The following CRIM1 variants were observed in gnomAD, a reference collection of about 807,000 sequenced individuals.
CRIM1 encodes the protein cysteine-rich motor neuron 1 protein.
A neutral mutation model predicts 116.4 loss-of-function variants in CRIM1; 32 were observed. That is an observed-to-expected ratio of 0.27 (90% CI 0.21 to 0.37). The LOEUF (loss-of-function observed/expected upper bound fraction) is 0.37, where lower values mean the gene tolerates loss of function less well. CRIM1 is among the 10% of genes least tolerant of loss of function. The probability of loss-of-function intolerance (pLI) is 1.00; values close to 1 mark genes in which losing one functional copy is unlikely to be tolerated. For missense variants in CRIM1, 1,331 were observed against 1,354.8 expected (o/e 0.98, Z 0.28); for synonymous variants, 590 against 509.2 (o/e 1.16, Z -2.13).
chr2:36,381,424 C>T lies in CRIM1; in HGVS notation c.332-15190C>T, dbSNP rs115117299. The stretch of plus-strand genomic sequence containing the variant: ...CCGGGGCCTCTGGCAGAGCCAGGCT[C>T]AGGAAGGTGAACTGCCAGAGCAGTT... On this transcript the variant is annotated intron_variant, in intron 1 of 16. Transcript: ENST00000280527. Among the ~76,000 whole-genome samples the T allele has an allele frequency of 8.8e-3, 1,332 of 152,218 alleles. 20 individuals are homozygous for T. Among genetic ancestry groups the T allele is most frequent in the African/African-American group, 0.027 (1,114 of 41,540 alleles).
At chr2:36,464,485 A>G (rs1359098816) in intron 4 of CRIM1, 49 bp from the exon 5 acceptor site, 29 of 1,609,198 alleles carry the variant, frequency 1.8e-5, no homozygotes, top group African/African-American at 8.0e-5. Flanking sequence ...CCCGACTTCT[A>G]TGTTGTTGTT....
At chr2:36,379,977 C>A (rs1670618046) in intron 1 of CRIM1, among the ~76,000 whole-genome samples, 1 of 151,530 alleles carries the variant, frequency 6.6e-6, no homozygotes, top group Admixed American at 6.6e-5. Context: ...TAGACTTTGA[C>A]CACTCAGGGA....
At chr2:36,370,813 T>C (rs562508482) in intron 1 of CRIM1, among the ~76,000 whole-genome samples, 1 of 152,282 alleles carries the variant, frequency 6.6e-6, no homozygotes, top group South Asian at 2.1e-4. Flanking sequence ...ATATTTCATA[T>C]GCATAGTTAT....
chr2:36,477,043 CGAA>C lies in CRIM1; in HGVS notation c.1148_1150del (p.Glu383del). On this transcript the variant is annotated inframe_deletion, in exon 6 of 17. Coordinates refer to ENST00000280527, the MANE Select transcript of CRIM1 (RefSeq NM_016441.3). ...TAAACTGCGAGAGGTACTACGTGCCCGAAGGAGAGTGCTGCCCAGTGTGTGAAG... is the reference window on the plus strand; with the variant it reads ...TAAACTGCGAGAGGTACTACGTGCCCGGAGAGTGCTGCCCAGTGTGTGAAG... 6.2e-7 allele frequency: 1 copy of C among 1,613,366 alleles called. No homozygotes were observed. The highest frequency in any genetic ancestry group is 8.5e-7 in the Non-Finnish European group (1 of 1,179,716).
chr2:36,477,515 C>T (rs554382831), intron 6 of CRIM1, among the ~76,000 whole-genome samples: 16 of 152,308 alleles, frequency 1.1e-4, no homozygotes, highest in Non-Finnish European at 2.2e-4. Flanking sequence ...CTGCCACTGT[C>T]GTAATACCCA....
intron 16 of CRIM1, among the ~76,000 whole-genome samples, 158 bp downstream of exon 16, chr2:36,547,329 T>C (rs1485370468): frequency 2.6e-5 from 4 of 152,224 alleles, no homozygotes; most frequent in South Asian, 2.1e-4. Context: ...ATCAAATACA[T>C]AGTACTTGCC....
At chr2:36,383,503 T>C (rs1481129859) in intron 1 of CRIM1, among the ~76,000 whole-genome samples, 1 of 152,216 alleles carries the variant, frequency 6.6e-6, no homozygotes, top group African/African-American at 2.4e-5. Context: ...CCATGCAGTA[T>C]TGTTAGTAGA....
At chr2:36,377,937 C>CA (rs1670443796) in intron 1 of CRIM1, among the ~76,000 whole-genome samples, 1 of 152,144 alleles carries the variant, frequency 6.6e-6, no homozygotes, top group South Asian at 2.1e-4. Context: ...CTAACAAACT[C>CA]AGTCTGTCAG....
rs116002276 is a variant in CRIM1, at chr2:36,391,968, C to T, written c.332-4646C>T. Among the ~76,000 whole-genome samples, 103 of 152,224 alleles carry T rather than the reference C, an allele frequency of 6.8e-4. 1 individual carries two copies. Among genetic ancestry groups the T allele is most frequent in the Middle Eastern group, 6.8e-3 (2 of 294 alleles). ...ATTAGTTTCCTTGAATGCCCTTGAT[C>T]GAAGCAATACAAATTATTAAGTTTA... is the stretch of plus-strand genomic sequence containing the variant. On this transcript the variant is annotated intron_variant, in intron 1 of 16. Transcript: ENST00000280527.
Position 36,356,741 on chromosome 2 carries a change from G to A in CRIM1, c.331+118G>A. On this transcript the variant is annotated intron_variant, in intron 1 of 16. Coordinates refer to ENST00000280527, the MANE Select transcript of CRIM1 (RefSeq NM_016441.3). The surrounding 1 kb of genome is among the most constrained non-coding windows in gnomAD (Gnocchi z 4.3). Reference sequence around the variant, plus strand: ...GAGGAAAGAGGGCTCTGCGGGAAGAGGGGCGGCCGCCGCCCCCAGGAGAGT... The same window carrying A: ...GAGGAAAGAGGGCTCTGCGGGAAGAAGGGCGGCCGCCGCCCCCAGGAGAGT... 1 of 1,030,190 alleles carries A rather than the reference G, an allele frequency of 9.7e-7. No homozygotes were observed. The highest frequency in any genetic ancestry group is 1.4e-6 in the Non-Finnish European group (1 of 725,998). 63.8% of individuals were successfully genotyped at this position (1,030,190 alleles called of 1,614,324 possible). A position where few individuals can be genotyped will look rare whatever the true frequency, so the allele number is the denominator to read the frequency against.
chr2:36,432,429 T>C (rs191219272), intron 2 of CRIM1, among the ~76,000 whole-genome samples: 2 of 152,340 alleles, frequency 1.3e-5, no homozygotes, highest in East Asian at 3.9e-4. Context: ...GGATATATTT[T>C]TCTGGTGTGA....
chr2:36,373,566 T>C (rs1670089474), intron 1 of CRIM1, among the ~76,000 whole-genome samples: 1 of 152,148 alleles, frequency 6.6e-6, no homozygotes. Context: ...TTGTTTGTGA[T>C]AGAGAAAGCA....
intron 4 of CRIM1, among the ~76,000 whole-genome samples, chr2:36,449,524 T>C (rs943198926): frequency 1.3e-5 from 2 of 152,310 alleles, no homozygotes; most frequent in Non-Finnish European, 2.9e-5. Context: ...GCACGAATCA[T>C]GTGTCCAGAG....
At chr2:36,384,480 G>T (rs1017035165) in intron 1 of CRIM1, among the ~76,000 whole-genome samples, 1 of 152,184 alleles carries the variant, frequency 6.6e-6, no homozygotes, top group African/African-American at 2.4e-5. Flanking sequence ...ATAGAGGTAA[G>T]ATACTACACA....
intron 1 of CRIM1, among the ~76,000 whole-genome samples, chr2:36,365,174 T>TC (rs1199541815): frequency 2.0e-5 from 3 of 152,146 alleles, no homozygotes; most frequent in Non-Finnish European, 2.9e-5. Flanking sequence ...CAACTACAGT[T>TC]CCCAGCGCCT....
intron 4 of CRIM1, among the ~76,000 whole-genome samples, chr2:36,456,779 A>AC (rs554750273): frequency 2.1e-3 from 307 of 144,176 alleles, no homozygotes; most frequent in Non-Finnish European, 3.3e-3. Flanking sequence ...GTCTGTCTCC[A>AC]CCCCCCCACC....
intron 2 of CRIM1, among the ~76,000 whole-genome samples, chr2:36,430,690 T>A (rs1199159247): frequency 6.6e-6 from 1 of 152,202 alleles, no homozygotes; most frequent in East Asian, 1.9e-4. Context: ...GGAGATGCCT[T>A]CACAGAAGGA....
chr2:36,409,135 C>G (rs1038941412), intron 2 of CRIM1, among the ~76,000 whole-genome samples: 6 of 152,066 alleles, frequency 3.9e-5, no homozygotes, highest in Non-Finnish European at 8.8e-5. Context: ...TAAGCAAAGC[C>G]CTACTTTCCT....
intron 1 of CRIM1, among the ~76,000 whole-genome samples, chr2:36,387,935 A>G (rs1671291851): frequency 6.7e-6 from 1 of 149,202 alleles, no homozygotes; most frequent in African/African-American, 2.5e-5. Flanking sequence ...TCTTTTTTCA[A>G]GTTGGATGCT....
Sources: allele counts gnomAD v4.1 joint callset (sites outside exome capture counted in the v4.1 genomes callset), GRCh38; gene constraint gnomAD v4.1.1; non-coding constraint Gnocchi (gnomAD v3.1); transcripts MANE v1.5; gene names NCBI Gene and HGNC (gene_info 2026-07-23, HGNC 2026-07-21).